The following PPP1R3E variants were observed in gnomAD, a reference collection of about 807,000 sequenced individuals.
The protein encoded by PPP1R3E is protein phosphatase 1 regulatory subunit 3E, also known as protein phosphatase 1, regulatory (inhibitor) subunit 3E.
Under a neutral mutation model 18.5 loss-of-function variants are expected in PPP1R3E, and 20 were observed. That is an observed-to-expected ratio of 1.08 (90% confidence interval 0.76 to 1.58). PPP1R3E has a LOEUF of 1.58. Ranked by LOEUF, PPP1R3E falls within the 40% of genes most tolerant of loss-of-function variation. PPP1R3E has a pLI of 0.00. For missense variants in PPP1R3E, 498 were observed against 460.2 expected (o/e 1.08, Z -0.75); for synonymous variants, 208 against 208.1 (o/e 1.00, Z 0.00).
In PPP1R3E at chr14:23,299,476, G is replaced by C. The variant is rs547183577; in HGVS notation, c.*311C>G. 2 of 153,868 alleles carry C rather than the reference G, an allele frequency of 1.3e-5. No homozygotes were observed. The highest frequency in any genetic ancestry group is 3.9e-4 in the East Asian group (2 of 5,184). The allele number at this position is 153,868 out of a possible 1,614,324, so 9.5% of individuals were successfully genotyped here. ...TTCTCTCTTCTAGAAGACTGTCAAG[G>C]AGCCCGAGTGAGGGAAGCAGACCAA... is the stretch of plus-strand genomic sequence containing the variant. On this transcript the variant is annotated 3_prime_UTR_variant, in exon 4 of 5. Transcript: ENST00000452015.
At position 23,298,353 on chromosome 14, in the gene PPP1R3E, A is replaced by G. The variant is rs1181488115; in HGVS notation, c.*951T>C. On this transcript the variant is annotated 3_prime_UTR_variant, in exon 5 of 5. Transcript: ENST00000452015. ...AAAAAAAATATAACATCATGGTTAC[A>G]CAGAGGCTCTGGAGATTCCCTGGGT... 3 of 152,408 alleles carry G rather than the reference A, an allele frequency of 2.0e-5. No homozygotes were observed. Among genetic ancestry groups the G allele is most frequent in the Non-Finnish European group, 4.4e-5 (3 of 68,200 alleles). The allele number at this position is 152,408 out of a possible 1,614,324, so 9.4% of individuals were successfully genotyped here.
In PPP1R3E at chr14:23,296,182, G is replaced by C. The variant is rs1171368260; in HGVS notation, c.*3122C>G. On this transcript the variant is annotated 3_prime_UTR_variant, in exon 5 of 5. Transcript: ENST00000452015. ...ATTCAGTCTTTTTAGCAAGGTCACT[G>C]CTCCTTAGCAACATCAACAAAAGTG... 4 of 152,204 alleles carry C rather than the reference G, an allele frequency of 2.6e-5. No individual in the cohort carries two copies. The highest frequency in any genetic ancestry group is 5.9e-5 in the Non-Finnish European group (4 of 68,056). 9.4% of individuals were successfully genotyped at this position (152,204 alleles called of 1,614,324 possible).
At position 23,296,037 on chromosome 14, in the gene PPP1R3E, G is replaced by C. The variant is rs1197130036; in HGVS notation, c.*3267C>G. ...ATTGGGTTGCGGGCCAAGTACACAGGGTTGCACTGTGAAGGAACTGAGGAG... is the reference window on the plus strand; with the variant it reads ...ATTGGGTTGCGGGCCAAGTACACAGCGTTGCACTGTGAAGGAACTGAGGAG... On this transcript the variant is annotated 3_prime_UTR_variant, in exon 5 of 5. Coordinates refer to ENST00000452015, the MANE Select transcript of PPP1R3E (RefSeq NM_001276318.2). 6.6e-6 allele frequency: 1 copy of C among 152,416 alleles called. No homozygotes were observed. The highest frequency in any genetic ancestry group is 1.5e-5 in the Non-Finnish European group (1 of 68,212). The allele number at this position is 152,416 out of a possible 1,614,324, so 9.4% of individuals were successfully genotyped here. A position where few individuals can be genotyped will look rare whatever the true frequency, so the allele number is the denominator to read the frequency against.
In PPP1R3E at chr14:23,296,285, T is replaced by A. The variant is rs1173204681; in HGVS notation, c.*3019A>T. The A allele has an allele frequency of 9.9e-5, 15 of 152,216 alleles. No individual in the cohort carries two copies. Among genetic ancestry groups the A allele is most frequent in the Admixed American group, 9.2e-4 (14 of 15,268 alleles). The allele number at this position is 152,216 out of a possible 1,614,324, so 9.4% of individuals were successfully genotyped here. A position where few individuals can be genotyped will look rare whatever the true frequency, so the allele number is the denominator to read the frequency against. On this transcript the variant is annotated 3_prime_UTR_variant, in exon 5 of 5. Transcript: ENST00000452015. The stretch of plus-strand genomic sequence containing the variant: ...CCTGGATGGGGAAAGGAATGGAAAC[T>A]AATAGCAGAAAATGAAACATTTCTG...
chr14:23,296,801 C>T lies in PPP1R3E; in HGVS notation c.*2503G>A, dbSNP rs979669276. ...CTGTAAAGGAGCCAGGAACCAATGA[C>T]GTCGGAAGAGAAGCCTTTTCATGTC... is the stretch of plus-strand genomic sequence containing the variant. On this transcript the variant is annotated 3_prime_UTR_variant, in exon 5 of 5. Coordinates refer to ENST00000452015, the MANE Select transcript of PPP1R3E (RefSeq NM_001276318.2). 3 of 152,148 alleles carry T rather than the reference C, an allele frequency of 2.0e-5. No individual in the cohort carries two copies. The highest frequency in any genetic ancestry group is 2.9e-5 in the Non-Finnish European group (2 of 68,046). 9.4% of individuals were successfully genotyped at this position (152,148 alleles called of 1,614,324 possible).
chr14:23,297,597 C>T lies in PPP1R3E; in HGVS notation c.*1707G>A, dbSNP rs1250618829. 1.3e-5 allele frequency: 2 copies of T among 152,246 alleles called. No homozygotes were observed. The highest frequency in any genetic ancestry group is 4.8e-5 in the African/African-American group (2 of 41,446). The allele number at this position is 152,246 out of a possible 1,614,324, so 9.4% of individuals were successfully genotyped here. On this transcript the variant is annotated 3_prime_UTR_variant, in exon 5 of 5. Transcript: ENST00000452015. The stretch of plus-strand genomic sequence containing the variant: ...AAGCACCAGGCACTCAGAAGCCACT[C>T]AAGAAATATTAGTTTCCTCCCTATT...
chr14:23,301,793 G>T lies in PPP1R3E; in HGVS notation c.483C>A (p.Arg161=), dbSNP rs940898034. 13 of 1,471,362 alleles carry T rather than the reference G, an allele frequency of 8.8e-6. No homozygotes were observed. The highest frequency in any genetic ancestry group is 4.9e-5 in the Admixed American group (2 of 40,646). The allele number at this position is 1,471,362 out of a possible 1,614,324, so 91.1% of individuals were successfully genotyped here. A position where few individuals can be genotyped will look rare whatever the true frequency, so the allele number is the denominator to read the frequency against. ...CCGCCTCGGCGCGTTCCAGGCAGAT[G>T]CGCTGCGTCAGCAAGCGGGCGGCGA... ...PGFAARLLTQ[R]ICLERAEAGP... is the part of the protein sequence containing the mutation. Residue 161 remains arginine, a synonymous_variant, in exon 2 of 5, where the codon CGC becomes CGA. Transcript: ENST00000452015.
At position 23,300,825 on chromosome 14, in the gene PPP1R3E, C is replaced by G. The variant is rs1391884580; in HGVS notation, c.*178G>C. On this transcript the variant is annotated 3_prime_UTR_variant, in exon 3 of 5. Coordinates refer to ENST00000452015, the MANE Select transcript of PPP1R3E (RefSeq NM_001276318.2). ...AACTGTCAGAGGTGACAAGGGAATC[C>G]CGTCATAATGCCAAGGACCAAGGAG... 6.6e-6 allele frequency: 1 copy of G among 152,286 alleles called. No homozygotes were observed. The highest frequency in any genetic ancestry group is 2.4e-5 in the African/African-American group (1 of 41,436). 9.4% of individuals were successfully genotyped at this position (152,286 alleles called of 1,614,324 possible). A position where few individuals can be genotyped will look rare whatever the true frequency, so the allele number is the denominator to read the frequency against.
intron 3 of PPP1R3E, among the ~76,000 whole-genome samples, chr14:23,299,921 G>GTTTT (rs1265464684): frequency 5.6e-3 from 248 of 44,346 alleles, no homozygotes; most frequent in Admixed American, 7.4e-3. Context: ...GTGTTTTTTT[G>GTTTT]TTTTTGTTTT....
At position 23,297,479 on chromosome 14, in the gene PPP1R3E, G is replaced by C. The variant is rs993021993; in HGVS notation, c.*1825C>G. On this transcript the variant is annotated 3_prime_UTR_variant, in exon 5 of 5. Coordinates refer to ENST00000452015, the MANE Select transcript of PPP1R3E (RefSeq NM_001276318.2). ...TCAACTCAACCCAAGGTGAGGAAAA[G>C]CCAGGGGGTTGGGAAAATCTCAGTG... 9 of 152,360 alleles carry C rather than the reference G, an allele frequency of 5.9e-5. No homozygotes were observed. The highest frequency in any genetic ancestry group is 1.9e-4 in the African/African-American group (8 of 41,468). 9.4% of individuals were successfully genotyped at this position (152,360 alleles called of 1,614,324 possible).
chr14:23,302,038 A>C, intron 1 of PPP1R3E, 122 bp downstream of exon 1: 3 of 1,265,562 alleles, frequency 2.4e-6, no homozygotes, highest in Non-Finnish European at 2.1e-6. Flanking sequence ...CCCAAAAGGG[A>C]TGGGCAGGCG....
At position 23,302,550 on chromosome 14, in the gene PPP1R3E, G is replaced by T. The variant is rs978509433; in HGVS notation, c.27C>A (p.Thr9=). 6.7e-7 allele frequency: 1 copy of T among 1,483,564 alleles called. No homozygotes were observed. 91.9% of individuals were successfully genotyped at this position (1,483,564 alleles called of 1,614,324 possible). The change falls in exon 1 of 5, where the codon ACC becomes ACA. Residue 9 remains threonine (T), a synonymous_variant. Transcript: ENST00000452015. The part of the protein sequence containing the change: MSRERPPG[T]DIPRNLSFIA... ...TGAAGCTCAGGTTGCGGGGAATGTC[G>T]GTGCCCGGGGGCCGCTCACGGGACA...
chr14:23,301,820 G>A lies in PPP1R3E; in HGVS notation c.456C>T (p.Gly152=), dbSNP rs1208792846. Residue 152 remains glycine, a synonymous_variant, in exon 2 of 5, where the codon GGC becomes GGT. Coordinates refer to ENST00000452015, the MANE Select transcript of PPP1R3E (RefSeq NM_001276318.2). The part of the protein sequence containing the change: ...RAALEPASEP[G]FAARLLTQRI... ...GCTGCGTCAGCAAGCGGGCGGCGAAGCCGGGCTCGCTGGCCGGCTCCAGGG... is the reference window on the plus strand; with the variant it reads ...GCTGCGTCAGCAAGCGGGCGGCGAAACCGGGCTCGCTGGCCGGCTCCAGGG... 3.4e-6 allele frequency: 5 copies of A among 1,471,506 alleles called. No homozygotes were observed. Among genetic ancestry groups the A allele is most frequent in the Admixed American group, 2.5e-5 (1 of 40,596 alleles). The allele number at this position is 1,471,506 out of a possible 1,614,324, so 91.2% of individuals were successfully genotyped here.
At chr14:23,299,862 T>C (rs1299492569) in intron 3 of PPP1R3E, among the ~76,000 whole-genome samples, 1 of 151,206 alleles carries the variant, frequency 6.6e-6, no homozygotes, top group Non-Finnish European at 1.5e-5. Flanking sequence ...GCTCTGGTTA[T>C]GGAGCAGACT....
Position 23,301,670 on chromosome 14 carries a change from G to C in PPP1R3E, c.606C>G (p.Arg202=), listed in dbSNP as rs1392768687. 3.8e-6 allele frequency: 5 copies of C among 1,314,986 alleles called. No homozygotes were observed. The highest frequency in any genetic ancestry group is 1.9e-6 in the Non-Finnish European group (2 of 1,037,206). 81.5% of individuals were successfully genotyped at this position (1,314,986 alleles called of 1,614,324 possible). ...GACCGGCGTAGGCGGCTGGCGCCTC[G>C]CGTTGGCTCCGCCAGCCGTCGGCGC... ...RWSADGWRSQ[R]EAPAAYAGPA... The change falls in exon 2 of 5, where the codon CGC becomes CGG. Residue 202 remains arginine (R), a synonymous_variant. Transcript: ENST00000452015.
At position 23,301,913 on chromosome 14, in the gene PPP1R3E, CAG is replaced by C. The variant is rs1887056065; in HGVS notation, c.418-57_418-56del. On this transcript the variant is annotated intron_variant, in intron 1 of 4. Transcript: ENST00000452015. ...GCCCAGGGCGGAGAGAGGGGAGAGA[CAG>C]GGGGCGGTGTCAGAGCAAGGCACTG... 10 of 1,391,000 alleles carry C rather than the reference CAG, an allele frequency of 7.2e-6. No individual in the cohort carries two copies. In the South Asian group the frequency reaches 1.4e-4, roughly 20 times the overall value. The allele number at this position is 1,391,000 out of a possible 1,614,324, so 86.2% of individuals were successfully genotyped here.
At chr14:23,299,836 C>A (rs889694598) in intron 3 of PPP1R3E, among the ~76,000 whole-genome samples, 1 of 151,174 alleles carries the variant, frequency 6.6e-6, no homozygotes, top group Non-Finnish European at 1.5e-5. Flanking sequence ...GAGAGTCCAG[C>A]TTTCCCACTG....
At position 23,302,415 on chromosome 14, in the gene PPP1R3E, G is replaced by A. The variant is rs1017596292; in HGVS notation, c.162C>T (p.Arg54=). The change falls in exon 1 of 5, where the codon CGC becomes CGT. Residue 54 remains arginine, a synonymous_variant. Coordinates refer to ENST00000452015, the MANE Select transcript of PPP1R3E (RefSeq NM_001276318.2). The stretch of plus-strand genomic sequence containing the variant: ...GGCGGCCCCGACTCGGTGCGTGAGC[G>A]CGGGATCGGGCCCCGAACCGCGTCC... ...EGGTRFGARS[R]AHAPSRGRRA... The A allele has an allele frequency of 2.8e-5, 42 of 1,493,294 alleles. No homozygotes were observed. Among genetic ancestry groups the A allele is most frequent in the Non-Finnish European group, 3.4e-5 (39 of 1,131,710 alleles). The allele number at this position is 1,493,294 out of a possible 1,614,324, so 92.5% of individuals were successfully genotyped here.
chr14:23,299,927 G>GTTTTTTT lies in PPP1R3E; in HGVS notation c.*246-393_*246-387dup, dbSNP rs3079707. On this transcript the variant is annotated intron_variant, in intron 3 of 4. Transcript: ENST00000452015. Reference sequence around the variant, plus strand: ...GTTGCTTTGGTGTTTTTTTGTTTTTGTTTTTTTTTTTTTTTTTTTTTTACA... The same window carrying GTTTTTTT: ...GTTGCTTTGGTGTTTTTTTGTTTTTGTTTTTTTTTTTTTTTTTTTTTTTTTTTTTACA... 3.6e-3 allele frequency among the ~76,000 whole-genome samples: 363 copies of GTTTTTTT among 100,730 alleles called. 17 individuals are homozygous for GTTTTTTT. Among genetic ancestry groups the GTTTTTTT allele is most frequent in the Middle Eastern group, 0.016 (2 of 124 alleles). The allele number at this position is 100,730 out of a possible 152,430, so 66.1% of individuals were successfully genotyped here.
Sources: gnomAD v4.1 joint callset for allele counts (sites outside exome capture counted in the v4.1 genomes callset) on GRCh38, gnomAD v4.1.1 for gene constraint, MANE v1.5 for transcripts, NCBI Gene and HGNC (gene_info 2026-07-23, HGNC 2026-07-21) for gene names.